Variants in WDR41 observed in about 807,000 individuals in gnomAD.
WDR41 encodes the protein WD repeat-containing protein 41.
A neutral mutation model predicts 69.3 loss-of-function variants in WDR41; 63 were observed. The observed-to-expected ratio is 0.91, with a 90% CI of 0.74 to 1.12. The LOEUF (loss-of-function observed/expected upper bound fraction) is 1.12. Ranked by LOEUF, WDR41 falls within the 50% of genes most tolerant of loss-of-function variation. The probability of loss-of-function intolerance (pLI) is 0.00; values close to 1 mark genes in which losing one functional copy is unlikely to be tolerated. For synonymous variants in WDR41, 185 were observed against 192.1 expected, an observed-to-expected ratio of 0.96 and a Z score of 0.31; for missense variants, 543 against 534.5, an observed-to-expected ratio of 1.02 and a Z score of -0.16.
chr5:77,498,865 G>T (rs1265165940), intron 1 of WDR41, among the ~76,000 whole-genome samples: 2 of 150,756 alleles, frequency 1.3e-5, no homozygotes, highest in Non-Finnish European at 3.0e-5. Context: ...AAACCATTGT[G>T]ACTTTTTAAA....
intron 1 of WDR41, among the ~76,000 whole-genome samples, chr5:77,513,510 G>A (rs1420654148): frequency 6.6e-6 from 1 of 152,036 alleles, no homozygotes; most frequent in Non-Finnish European, 1.5e-5. Flanking sequence ...GGTTTCTCTG[G>A]GAACTAAATT....
At chr5:77,610,829 C>G (rs1221574961) in intron 1 of WDR41, among the ~76,000 whole-genome samples, 1 of 151,368 alleles carries the variant, frequency 6.6e-6, no homozygotes, top group Admixed American at 6.6e-5. Context: ...TGTAAATGGA[C>G]TAAATGCTCC....
At chr5:77,500,778 T>C (rs1802005657) in intron 1 of WDR41, among the ~76,000 whole-genome samples, 1 of 152,166 alleles carries the variant, frequency 6.6e-6, no homozygotes, top group Non-Finnish European at 1.5e-5. Context: ...CTGCTTCTAA[T>C]AGGTATAAAG....
At chr5:77,602,815 T>C (rs1744348627) in intron 1 of WDR41, among the ~76,000 whole-genome samples, 1 of 152,188 alleles carries the variant, frequency 6.6e-6, no homozygotes, top group African/African-American at 2.4e-5. Context: ...TTTAGTTTTT[T>C]GTTTGTTTGT....
At chr5:77,513,189 T>A (rs1190065850) in intron 1 of WDR41, among the ~76,000 whole-genome samples, 1 of 152,226 alleles carries the variant, frequency 6.6e-6, no homozygotes, top group Admixed American at 6.5e-5. Context: ...TAGTTTCTTG[T>A]GTTAACTTCT....
chr5:77,469,503 A>G (rs1367251565), intron 2 of WDR41, among the ~76,000 whole-genome samples: 1 of 152,106 alleles, frequency 6.6e-6, no homozygotes, highest in African/African-American at 2.4e-5. Context: ...ACTTAATCCA[A>G]TTCAAATCTG....
At chr5:77,600,697 T>C (rs1384942260) in intron 1 of WDR41, among the ~76,000 whole-genome samples, 1 of 151,958 alleles carries the variant, frequency 6.6e-6, no homozygotes, top group East Asian at 1.9e-4. Flanking sequence ...CTGGACAAGA[T>C]GGTGAAACCC....
At chr5:77,467,612 T>G (rs1187576204) in intron 2 of WDR41, among the ~76,000 whole-genome samples, 1 of 152,060 alleles carries the variant, frequency 6.6e-6, no homozygotes, top group Non-Finnish European at 1.5e-5. Flanking sequence ...TTACCATATT[T>G]ATTGATCTTT....
At chr5:77,473,363 C>T (rs1266452937) in intron 2 of WDR41, among the ~76,000 whole-genome samples, 2 of 152,120 alleles carry the variant, frequency 1.3e-5, no homozygotes, top group Non-Finnish European at 2.9e-5. Context: ...CTAGGCAATA[C>T]CATTCAGGAC....
intron 1 of WDR41, among the ~76,000 whole-genome samples, chr5:77,513,985 T>C (rs1202332467): frequency 6.6e-6 from 1 of 152,158 alleles, no homozygotes; most frequent in East Asian, 1.9e-4. Flanking sequence ...ACTTTAATTT[T>C]TTTCTTCTTT....
At chr5:77,439,482 G>A (rs1220036522) in intron 9 of WDR41, among the ~76,000 whole-genome samples, 5 of 152,208 alleles carry the variant, frequency 3.3e-5, no homozygotes, top group African/African-American at 4.8e-5. Context: ...AAAATGGAAA[G>A]CCCTGTGGAT....
At chr5:77,464,430 A>T (rs1800205965) in intron 3 of WDR41, among the ~76,000 whole-genome samples, 1 of 151,902 alleles carries the variant, frequency 6.6e-6, no homozygotes. Context: ...TATTTTTAGT[A>T]GAGACGGGGT....
At chr5:77,547,394 C>A (rs1432696218) in intron 1 of WDR41, among the ~76,000 whole-genome samples, 2 of 152,008 alleles carry the variant, frequency 1.3e-5, no homozygotes, top group Admixed American at 1.3e-4. Context: ...CCAGAAAGCT[C>A]CTAGAACTGA....
chr5:77,432,033 C>T lies in WDR41; in HGVS notation c.*1102G>A, dbSNP rs375091980. The T allele has an allele frequency of 6.6e-6, 1 of 152,172 alleles. No homozygotes were observed. The highest frequency in any genetic ancestry group is 1.5e-5 in the Non-Finnish European group (1 of 68,018). The allele number at this position is 152,172 out of a possible 1,614,324, so 9.4% of individuals were successfully genotyped here. ...TCTACTCAGATGACCTTAACTCTTC[C>T]AGTCTTTGTAGGTAGTTGTGGAAGC... On this transcript the variant is annotated 3_prime_UTR_variant, in exon 13 of 13. Transcript: ENST00000296679.
chr5:77,492,681 T>C (rs1273875040), upstream of WDR41: 1 of 160,946 alleles, frequency 6.2e-6, no homozygotes, highest in African/African-American at 2.4e-5. Context: ...TACCAGGAAA[T>C]CTCCCCTGCT....
At chr5:77,527,455 A>G (rs1486341533) in intron 1 of WDR41, among the ~76,000 whole-genome samples, 14 of 151,966 alleles carry the variant, frequency 9.2e-5, no homozygotes. Context: ...ATAATGATAA[A>G]TTTGTAGGCA....
intron 8 of WDR41, among the ~76,000 whole-genome samples, chr5:77,444,766 T>A (rs1799310989): frequency 6.6e-6 from 1 of 152,254 alleles, no homozygotes; most frequent in South Asian, 2.1e-4. Context: ...TACTGCAAGA[T>A]GAGACTGTCA....
chr5:77,444,783 C>A (rs138213531), intron 8 of WDR41, among the ~76,000 whole-genome samples: 39 of 152,324 alleles, frequency 2.6e-4, no homozygotes, highest in African/African-American at 8.9e-4. Context: ...GTCAGCAGAT[C>A]ATTTTCAAAT....
At chr5:77,475,464 C>G (rs924509677) in intron 2 of WDR41, among the ~76,000 whole-genome samples, 1 of 152,204 alleles carries the variant, frequency 6.6e-6, no homozygotes, top group Non-Finnish European at 1.5e-5. Context: ...CAGCACGCAG[C>G]TGGAGATCTG....
Sources: gnomAD v4.1 joint callset for allele counts (sites outside exome capture counted in the v4.1 genomes callset) on GRCh38, gnomAD v4.1.1 for gene constraint, MANE v1.5 for transcripts, NCBI Gene and HGNC (gene_info 2026-07-23, HGNC 2026-07-21) for gene names.